SUPT3H: variants seen among roughly 807,000 people sequenced by gnomAD.
SUPT3H encodes SPT3 homolog, SAGA and STAGA complex component.
SUPT3H carries 44 observed loss-of-function variants against 44.3 expected under a neutral mutation model. The observed-to-expected ratio is 0.99, with a 90% CI of 0.78 to 1.28. SUPT3H has a LOEUF of 1.28. Among genes scored for constraint, SUPT3H ranks in the 50% most tolerant of loss-of-function variants. The pLI is 0.00. For synonymous variants in SUPT3H, 124 were observed against 125.6 expected, an observed-to-expected ratio of 0.99 and a Z score of 0.09; for missense variants, 380 against 387.1, an observed-to-expected ratio of 0.98 and a Z score of 0.15.
At chr6:45,188,416 A>G (rs1814602715) in intron 2 of SUPT3H, among the ~76,000 whole-genome samples, 1 of 152,232 alleles carries the variant, frequency 6.6e-6, no homozygotes. Flanking sequence ...ACAATGCATG[A>G]TAAGTGCTTA....
chr6:44,943,169 G>A (rs192515690), intron 9 of SUPT3H, among the ~76,000 whole-genome samples: 1 of 151,310 alleles, frequency 6.6e-6, no homozygotes, highest in Non-Finnish European at 1.5e-5. Context: ...AAAAAATAAT[G>A]ATAGATAAAT....
chr6:45,130,709 CCACTT>C (rs1803317814), intron 2 of SUPT3H, among the ~76,000 whole-genome samples: 1 of 91,336 alleles, frequency 1.1e-5, no homozygotes, highest in Admixed American at 1.2e-4. Flanking sequence ...AAAAAAAAAA[CCACTT>C]TTTTTTTTTT....
At chr6:45,189,949 T>G (rs1268988462) in intron 2 of SUPT3H, among the ~76,000 whole-genome samples, 1 of 152,220 alleles carries the variant, frequency 6.6e-6, no homozygotes, top group African/African-American at 2.4e-5. Context: ...AACTTTTTAA[T>G]GTATCTTCCC....
chr6:44,908,535 AC>A (rs1384598795), intron 10 of SUPT3H, among the ~76,000 whole-genome samples: 1 of 152,152 alleles, frequency 6.6e-6, no homozygotes, highest in African/African-American at 2.4e-5. Context: ...AATTCATGGA[AC>A]TTGCCTGGCT....
At chr6:45,237,130 A>G (rs1769315624) in intron 2 of SUPT3H, among the ~76,000 whole-genome samples, 1 of 152,220 alleles carries the variant, frequency 6.6e-6, no homozygotes, top group Admixed American at 6.5e-5. Flanking sequence ...AAACACAAAT[A>G]AACAAGGCAA....
At chr6:45,004,769 G>C (rs918072872) in intron 5 of SUPT3H, among the ~76,000 whole-genome samples, 1 of 152,008 alleles carries the variant, frequency 6.6e-6, no homozygotes, top group African/African-American at 2.4e-5. Context: ...TCTAGAAAAG[G>C]GTTCTTATGA....
intron 2 of SUPT3H, among the ~76,000 whole-genome samples, chr6:45,186,846 T>C (rs1216765061): frequency 2.0e-5 from 3 of 152,090 alleles, no homozygotes; most frequent in Non-Finnish European, 4.4e-5. Context: ...TTTCTGATGA[T>C]TTAGGGTCAC....
chr6:45,085,495 T>C (rs888068247), intron 3 of SUPT3H, among the ~76,000 whole-genome samples: 11 of 152,268 alleles, frequency 7.2e-5, no homozygotes, highest in Admixed American at 3.9e-4. Context: ...GTTCTAGAGA[T>C]ACAACTGAAC....
chr6:45,239,649 T>C (rs1018112148), intron 2 of SUPT3H, among the ~76,000 whole-genome samples: 17 of 152,244 alleles, frequency 1.1e-4, no homozygotes, highest in East Asian at 3.8e-4. Flanking sequence ...GTCTTCTGCC[T>C]GTGTTAAACA....
chr6:45,324,327 TA>T (rs1786010708), intron 2 of SUPT3H, among the ~76,000 whole-genome samples: 1 of 151,888 alleles, frequency 6.6e-6, no homozygotes, highest in African/African-American at 2.4e-5. Flanking sequence ...AAGAAACAAT[TA>T]AAAACAGCTG....
chr6:45,249,434 T>C (rs1488071652), intron 2 of SUPT3H, among the ~76,000 whole-genome samples: 1 of 144,060 alleles, frequency 6.9e-6, no homozygotes, highest in Non-Finnish European at 1.5e-5. Context: ...TCTAAAGGAA[T>C]ACAAACAACA....
intron 3 of SUPT3H, among the ~76,000 whole-genome samples, chr6:45,072,932 TA>T (rs35649149): frequency 2.0e-5 from 3 of 151,240 alleles, no homozygotes; most frequent in Non-Finnish European, 4.4e-5. Flanking sequence ...TTAAAAAGTT[TA>T]AAAAAAAAGT....
chr6:45,324,392 T>C (rs1486017965), intron 2 of SUPT3H, among the ~76,000 whole-genome samples: 1 of 152,038 alleles, frequency 6.6e-6, no homozygotes, highest in Non-Finnish European at 1.5e-5. Context: ...AACTGAGGCA[T>C]TACATATTAG....
chr6:45,121,788 GC>G (rs1801712232), intron 2 of SUPT3H, among the ~76,000 whole-genome samples: 2 of 152,088 alleles, frequency 1.3e-5, no homozygotes, highest in South Asian at 4.2e-4. Context: ...CAATTCTCCT[GC>G]CTCAGTCTCC....
chr6:45,155,872 G>A (rs956645745), intron 2 of SUPT3H, among the ~76,000 whole-genome samples: 1 of 151,954 alleles, frequency 6.6e-6, no homozygotes, highest in Non-Finnish European at 1.5e-5. Context: ...ACCAGTAAAA[G>A]TTCACTTATA....
At chr6:45,187,480 G>GA (rs1235732768) in intron 2 of SUPT3H, among the ~76,000 whole-genome samples, 4 of 151,434 alleles carry the variant, frequency 2.6e-5, no homozygotes, top group African/African-American at 9.7e-5. Flanking sequence ...CCCTTACGAG[G>GA]GCTGTGTGCC....
intron 2 of SUPT3H, among the ~76,000 whole-genome samples, chr6:45,120,018 T>G (rs923325056): frequency 6.6e-6 from 1 of 152,090 alleles, no homozygotes; most frequent in Non-Finnish European, 1.5e-5. Context: ...CTGAACTGAT[T>G]CAAATGTCAA....
Position 45,204,092 on chromosome 6 carries a change from C to G in SUPT3H, c.102-98086G>C, listed in dbSNP as rs188944717. On this transcript the variant is annotated intron_variant, in intron 2 of 10. Coordinates refer to ENST00000371459, the MANE Select transcript of SUPT3H (RefSeq NM_003599.4). ...TGAAACCCCATCTCTACTAAAAATA[C>G]AAAAATTCGCCGGGTGTGGTGGTGC... Among the ~76,000 whole-genome samples the G allele has an allele frequency of 3.8e-3, 574 of 151,950 alleles. 7 individuals carry two copies. Among genetic ancestry groups the G allele is most frequent in the African/African-American group, 0.013 (546 of 41,448 alleles).
intron 2 of SUPT3H, among the ~76,000 whole-genome samples, chr6:45,337,048 A>G (rs1006214964): frequency 3.3e-5 from 5 of 151,740 alleles, no homozygotes; most frequent in African/African-American, 1.2e-4. Flanking sequence ...AAATGCATAA[A>G]ACTACATAGC....
Sources: gnomAD v4.1 joint callset for allele counts (sites outside exome capture counted in the v4.1 genomes callset) on GRCh38, gnomAD v4.1.1 for gene constraint, MANE v1.5 for transcripts, NCBI Gene and HGNC (gene_info 2026-07-23, HGNC 2026-07-21) for gene names.